RPS23: variants seen among roughly 807,000 people sequenced by gnomAD.
The protein encoded by RPS23 is ribosomal protein S23.
For synonymous variants in RPS23, 66 were observed against 60.4 expected (o/e 1.09, Z -0.43); for missense variants, 73 against 174.5 (o/e 0.42, Z 3.28).
chr5:82,278,130 T>G (rs558325393), intron 1 of RPS23, 190 bp downstream of exon 1: 1 of 758,166 alleles, frequency 1.3e-6, no homozygotes, highest in South Asian at 1.9e-5. Context: ...TACCCCGACC[T>G]CGGCGGCCTC....
chr5:82,275,164 T>C lies in RPS23; in HGVS notation c.*945A>G. ...ATTGTTTTCCAAAGATCCTAAACAA[T>C]GTAAAGCTAGGCTTTGATCAAAGGG... On this transcript the variant is annotated 3_prime_UTR_variant, in exon 4 of 4. Transcript: ENST00000296674. 2 of 699,024 alleles carry C rather than the reference T, an allele frequency of 2.9e-6. No homozygotes were observed. The highest frequency in any genetic ancestry group is 2.7e-5 in the East Asian group (1 of 37,222). 43.3% of individuals were successfully genotyped at this position (699,024 alleles called of 1,614,324 possible).
In RPS23 at chr5:82,273,848, C is replaced by G. The variant is rs987841037; in HGVS notation, c.*2261G>C. The G allele has an allele frequency of 6.6e-6, 1 of 152,194 alleles. No homozygotes were observed. Among genetic ancestry groups the G allele is most frequent in the Non-Finnish European group, 1.5e-5 (1 of 68,028 alleles). 9.4% of individuals were successfully genotyped at this position (152,194 alleles called of 1,614,324 possible). ...AAAGTGCTGGGATTACAGGCATGAA[C>G]CACAGCGCCCAGCTTAACAGGATTT... is the stretch of plus-strand genomic sequence containing the variant. On this transcript the variant is annotated 3_prime_UTR_variant, in exon 4 of 4. Transcript: ENST00000296674.
Position 82,276,270 on chromosome 5 carries a change from G to T in RPS23, c.286-15C>A. 6.2e-7 allele frequency: 1 copy of T among 1,613,352 alleles called. No homozygotes were observed. The highest frequency in any genetic ancestry group is 8.5e-7 in the Non-Finnish European group (1 of 1,179,642). ...TCATCATTTTCCTGGAATAAAATAAGAAGTTTATTTCTGGTGTTGGTGGCG... is the reference window on the plus strand; with the variant it reads ...TCATCATTTTCCTGGAATAAAATAATAAGTTTATTTCTGGTGTTGGTGGCG... On this transcript the variant is annotated splice_polypyrimidine_tract_variant and intron_variant, in intron 3 of 3. Transcript: ENST00000296674.
In RPS23 at chr5:82,276,286, GT is replaced by G. The variant is rs1436161407; in HGVS notation, c.286-32del. ...ATAAAATAAGAAGTTTATTTCTGGT[GT>G]TGGTGGCGATCACAAAAATACTTTC... On this transcript the variant is annotated intron_variant, in intron 3 of 3. Coordinates refer to ENST00000296674, the MANE Select transcript of RPS23 (RefSeq NM_001025.5). 1.9e-6 allele frequency: 3 copies of G among 1,613,144 alleles called. No individual in the cohort carries two copies. The Admixed American group carries it at 5.0e-5, about 27-fold the overall frequency.
chr5:82,275,152 G>A lies in RPS23; in HGVS notation c.*957C>T. 1 of 691,910 alleles carries A rather than the reference G, an allele frequency of 1.4e-6. No homozygotes were observed. Among genetic ancestry groups the A allele is most frequent in the Non-Finnish European group, 2.6e-6 (1 of 379,246 alleles). The allele number at this position is 691,910 out of a possible 1,614,324, so 42.9% of individuals were successfully genotyped here. ...GCAACCAAACCAATTGTTTTCCAAA[G>A]ATCCTAAACAATGTAAAGCTAGGCT... On this transcript the variant is annotated 3_prime_UTR_variant, in exon 4 of 4. Coordinates refer to ENST00000296674, the MANE Select transcript of RPS23 (RefSeq NM_001025.5).
Position 82,274,604 on chromosome 5 carries a change from C to G in RPS23, c.*1505G>C, listed in dbSNP as rs1300714001. The G allele has an allele frequency of 2.0e-5, 3 of 152,780 alleles. No homozygotes were observed. The highest frequency in any genetic ancestry group is 7.2e-5 in the African/African-American group (3 of 41,464). The allele number at this position is 152,780 out of a possible 1,614,324, so 9.5% of individuals were successfully genotyped here. A position where few individuals can be genotyped will look rare whatever the true frequency, so the allele number is the denominator to read the frequency against. ...CACCGCCCGGGGAGAGCTGCCCACCCCGCGCCTGACGCCCAGGGCCTGGAA... is the reference window on the plus strand; with the variant it reads ...CACCGCCCGGGGAGAGCTGCCCACCGCGCGCCTGACGCCCAGGGCCTGGAA... On this transcript the variant is annotated 3_prime_UTR_variant, in exon 4 of 4. Coordinates refer to ENST00000296674, the MANE Select transcript of RPS23 (RefSeq NM_001025.5).
At position 82,274,047 on chromosome 5, in the gene RPS23, TTTGAG is replaced by T. The variant is rs1426926524; in HGVS notation, c.*2057_*2061del. The T allele has an allele frequency of 6.6e-6, 1 of 152,158 alleles. No individual in the cohort carries two copies. The highest frequency in any genetic ancestry group is 2.0e-4 in the East Asian group (1 of 5,116). The allele number at this position is 152,158 out of a possible 1,614,324, so 9.4% of individuals were successfully genotyped here. A position where few individuals can be genotyped will look rare whatever the true frequency, so the allele number is the denominator to read the frequency against. ...TTTTACATTTAGATATATGATCCAT[TTTGAG>T]TTAAGTTTGTATTACATGTAAGGTT... On this transcript the variant is annotated 3_prime_UTR_variant, in exon 4 of 4. Transcript: ENST00000296674.
chr5:82,277,989 C>A, intron 1 of RPS23, 137 bp from the exon 2 acceptor site: 1 of 815,828 alleles, frequency 1.2e-6, no homozygotes, highest in Non-Finnish European at 1.9e-6. Flanking sequence ...GTGGGCCAAA[C>A]ATTTGGCCTT....
Position 82,276,535 on chromosome 5 carries a change from A to G in RPS23, c.165-17T>C, listed in dbSNP as rs201637305. 31 of 1,613,808 alleles carry G rather than the reference A, an allele frequency of 1.9e-5. No individual in the cohort carries two copies. Among genetic ancestry groups the G allele is most frequent in the Non-Finnish European group, 1.7e-6 (2 of 1,179,762 alleles). ...TCAACTCCTCTGAAATACAAAAGGC[A>G]CAGCACTGTGAGCTGGCTTTCTGAA... On this transcript the variant is annotated splice_polypyrimidine_tract_variant and intron_variant, in intron 2 of 3. Transcript: ENST00000296674.
intron 3 of RPS23, 50 bp from the exon 4 acceptor site, chr5:82,276,305 A>G (rs1213309668): frequency 6.2e-7 from 1 of 1,612,938 alleles, no homozygotes; most frequent in Admixed American, 1.7e-5. Flanking sequence ...GATCACAAAA[A>G]TACTTTCATG....
chr5:82,277,907 C>T, intron 1 of RPS23, 55 bp from the exon 2 acceptor site: 1 of 1,495,034 alleles, frequency 6.7e-7, no homozygotes, highest in Non-Finnish European at 9.3e-7. Flanking sequence ...ACGTGTTTCC[C>T]ATCTTCTAAG....
Position 82,278,320 on chromosome 5 carries a change from C to G in RPS23, c.4G>C (p.Gly2Arg). 1 of 1,610,688 alleles carries G rather than the reference C, an allele frequency of 6.2e-7. No homozygotes were observed. The highest frequency in any genetic ancestry group is 8.5e-7 in the Non-Finnish European group (1 of 1,178,742). Reference protein sequence around the residue: MGKCRGLRTARK... With the variant: MRKCRGLRTARK... ...CCTTAAACCGGCCACAACAGCTCAC[C>G]CATCCTGTCGGCGCCACGGGCCTGA... The change falls in exon 1 of 4, where the codon GGC (glycine) becomes CGC (arginine). Residue 2 changes from glycine (G) to arginine (R), a missense_variant and splice_region_variant. Coordinates refer to ENST00000296674, the MANE Select transcript of RPS23 (RefSeq NM_001025.5).
chr5:82,276,319 G>A (rs537482295), intron 3 of RPS23, 64 bp from the exon 4 acceptor site: 518 of 1,612,342 alleles, frequency 3.2e-4, no homozygotes, highest in Non-Finnish European at 3.6e-4. Context: ...TTTCATGTGA[G>A]GAAACTCCCT....
intron 3 of RPS23, 25 bp downstream of exon 3, chr5:82,276,373 G>T (rs1441490041): frequency 1.2e-6 from 2 of 1,613,798 alleles, no homozygotes; most frequent in South Asian, 1.1e-5. Context: ...AAGAACAGAA[G>T]GTACGATAGA....
rs1747767072 is a variant in RPS23, at chr5:82,276,056, A to C, written c.*53T>G. The C allele has an allele frequency of 1.9e-6, 3 of 1,539,184 alleles. No homozygotes were observed. The East Asian group carries it at 6.7e-5, about 35-fold the overall frequency. The stretch of plus-strand genomic sequence containing the variant: ...TGAGAACAGGGGACAGTAAGATACA[A>C]ACATTTTTTGGCATATGAAAATTTA... On this transcript the variant is annotated 3_prime_UTR_variant, in exon 4 of 4. Coordinates refer to ENST00000296674, the MANE Select transcript of RPS23 (RefSeq NM_001025.5).
Position 82,273,321 on chromosome 5 carries a change from T to C in RPS23, c.*2788A>G, listed in dbSNP as rs1332517279. ...AGCCGCAGACAAAACCTCTCAGAGT[T>C]GTAGAAGGAAGGGCTTTATTCAGCT... On this transcript the variant is annotated 3_prime_UTR_variant, in exon 4 of 4. Transcript: ENST00000296674. 1.3e-5 allele frequency: 2 copies of C among 149,370 alleles called. No individual in the cohort carries two copies. Among genetic ancestry groups the C allele is most frequent in the Admixed American group, 6.6e-5 (1 of 15,214 alleles). The allele number at this position is 149,370 out of a possible 1,614,324, so 9.3% of individuals were successfully genotyped here.
intron 2 of RPS23, 46 bp from the exon 3 acceptor site, chr5:82,276,564 G>C (rs775359715): frequency 6.2e-7 from 1 of 1,608,088 alleles, no homozygotes; most frequent in Non-Finnish European, 8.5e-7. Flanking sequence ...TTCTGAAAAA[G>C]ATTATCTTTT....
chr5:82,277,670 C>T (rs1452145415), intron 2 of RPS23, 23 bp downstream of exon 2: 4 of 1,611,764 alleles, frequency 2.5e-6, no homozygotes, highest in Admixed American at 1.7e-5. Flanking sequence ...TAAACTAAAA[C>T]TTGACGGGAG....
chr5:82,276,566 TTA>T (rs1747779933), intron 2 of RPS23, 48 bp from the exon 3 acceptor site: 2 of 1,607,442 alleles, frequency 1.2e-6, no homozygotes, highest in African/African-American at 1.3e-5. Flanking sequence ...CTGAAAAAGA[TTA>T]TCTTTTCATA....
Sources: gnomAD v4.1 joint callset for allele counts on GRCh38, gnomAD v4.1.1 for gene constraint, MANE v1.5 for transcripts, NCBI Gene and HGNC (gene_info 2026-07-23, HGNC 2026-07-21) for gene names.